RIC1: variants seen among roughly 807,000 people sequenced by gnomAD.
RIC1 encodes the protein guanine nucleotide exchange factor subunit RIC1.
A neutral mutation model predicts 169.0 loss-of-function variants in RIC1; 88 were observed. The observed-to-expected ratio is 0.52, with a 90% CI of 0.44 to 0.62. RIC1 has a LOEUF of 0.62. Ranked by LOEUF, RIC1 falls within the 20% of genes least tolerant of loss-of-function variation. The probability of loss-of-function intolerance (pLI) is 0.00; values close to 1 mark genes in which losing one functional copy is unlikely to be tolerated. For synonymous variants in RIC1, 790 were observed against 601.5 expected (o/e 1.31, Z -4.59); for missense variants, 1,877 against 1,725.5 (o/e 1.09, Z -1.56).
At chr9:5,703,305 C>T (rs1822351350) in intron 3 of RIC1, among the ~76,000 whole-genome samples, 1 of 152,174 alleles carries the variant, frequency 6.6e-6, no homozygotes, top group African/African-American at 2.4e-5. Flanking sequence ...AGATCTGAAA[C>T]ACAGTAGGGC....
chr9:5,649,400 G>A lies in RIC1; in HGVS notation c.145-7183G>A, dbSNP rs1818683705. On this transcript the variant is annotated intron_variant, in intron 1 of 25. Transcript: ENST00000414202. ...GCTTTGTTCATTCTTATTTATTCTT[G>A]TTTTGTTTTCTGAGTTATTTCAAAA... is the stretch of plus-strand genomic sequence containing the variant. 1.3e-5 allele frequency among the ~76,000 whole-genome samples: 2 copies of A among 151,892 alleles called. 1 individual carries two copies. Among genetic ancestry groups the A allele is most frequent in the South Asian group, 4.1e-4 (2 of 4,820 alleles).
Position 5,776,146 on chromosome 9 carries a change from T to C in RIC1, c.*1900T>C, listed in dbSNP as rs539933211. 7 of 152,270 alleles carry C rather than the reference T, an allele frequency of 4.6e-5. No homozygotes were observed. The highest frequency in any genetic ancestry group is 3.9e-4 in the Admixed American group (6 of 15,298). 9.4% of individuals were successfully genotyped at this position (152,270 alleles called of 1,614,324 possible). ...CATTCTTGAAAGCAGGGCACCAGTA[T>C]AAGTTAACTGTATTCCTGTGGGTTA... On this transcript the variant is annotated 3_prime_UTR_variant, in exon 26 of 26. Transcript: ENST00000414202.
chr9:5,732,991 C>G (rs10758704), intron 7 of RIC1, among the ~76,000 whole-genome samples: 58,643 of 151,782 alleles, frequency 0.39, 13,457 homozygotes, highest in East Asian at 0.85. Context: ...CTATCACATA[C>G]CAGCCATAGT....
intron 2 of RIC1, among the ~76,000 whole-genome samples, chr9:5,679,527 T>C (rs1488189545): frequency 6.6e-6 from 1 of 152,230 alleles, no homozygotes; most frequent in African/African-American, 2.4e-5. Context: ...GGGCAGTGCT[T>C]TGTAGTTCTC....
chr9:5,764,240 G>C (rs562088954), intron 19 of RIC1, among the ~76,000 whole-genome samples: 2 of 152,296 alleles, frequency 1.3e-5, no homozygotes, highest in South Asian at 2.1e-4. Context: ...TATTATTTGA[G>C]ATATTAGTGA....
At chr9:5,664,680 C>T (rs1228152340) in intron 2 of RIC1, among the ~76,000 whole-genome samples, 2 of 152,152 alleles carry the variant, frequency 1.3e-5, no homozygotes, top group East Asian at 3.8e-4. Context: ...TGGGGAAGTT[C>T]TCCTGGATGA....
intron 1 of RIC1, among the ~76,000 whole-genome samples, chr9:5,633,739 C>A (rs1308785586): frequency 6.6e-6 from 1 of 152,126 alleles, no homozygotes; most frequent in Non-Finnish European, 1.5e-5. Flanking sequence ...GATGAGAACA[C>A]TTAAGACCTA....
At chr9:5,759,643 A>G (rs1826212952) in intron 17 of RIC1, among the ~76,000 whole-genome samples, 1 of 152,188 alleles carries the variant, frequency 6.6e-6, no homozygotes, top group Non-Finnish European at 1.5e-5. Context: ...GTAGGGAATA[A>G]TTGTAAATTT....
chr9:5,683,731 C>T (rs149537186), intron 2 of RIC1, among the ~76,000 whole-genome samples: 62 of 152,316 alleles, frequency 4.1e-4, no homozygotes, highest in Middle Eastern at 6.8e-3. Context: ...TTGTCTGTGC[C>T]CTGCCCCCAG....
intron 6 of RIC1, among the ~76,000 whole-genome samples, chr9:5,723,442 T>C (rs1224668677): frequency 1.3e-5 from 2 of 152,232 alleles, no homozygotes; most frequent in African/African-American, 2.4e-5. Context: ...AAGTTCTTTG[T>C]AGTTTCTGGA....
chr9:5,752,372 T>G (rs1825772048), intron 12 of RIC1, among the ~76,000 whole-genome samples: 1 of 152,154 alleles, frequency 6.6e-6, no homozygotes, highest in Admixed American at 6.5e-5. Flanking sequence ...AGCTAACCAG[T>G]GGTTGTACCT....
chr9:5,630,789 TA>T (rs1172440179), intron 1 of RIC1, among the ~76,000 whole-genome samples: 1 of 152,200 alleles, frequency 6.6e-6, no homozygotes, highest in African/African-American at 2.4e-5. Flanking sequence ...TATGTGTAAA[TA>T]TATATAAAGT....
intron 10 of RIC1, among the ~76,000 whole-genome samples, chr9:5,744,022 C>T (rs182266069): frequency 0.015 from 2,236 of 148,422 alleles, 33 homozygotes; most frequent in Non-Finnish European, 0.023. Context: ...GGCTGGCCCC[C>T]TTTTTTCACT....
chr9:5,762,508 G>A lies in RIC1; in HGVS notation c.1993-33G>A, dbSNP rs372466307. 295 of 1,612,174 alleles carry A rather than the reference G, an allele frequency of 1.8e-4. 1 individual carries two copies. In the African/African-American group the frequency reaches 3.5e-3, roughly 19 times the overall value. ...ATGCGGAAAGCATACCGATACAGAAGTATGAATTTAGCTGCTTTTTCTTAA... is the reference window on the plus strand; with the variant it reads ...ATGCGGAAAGCATACCGATACAGAAATATGAATTTAGCTGCTTTTTCTTAA... On this transcript the variant is annotated intron_variant, in intron 17 of 25. Coordinates refer to ENST00000414202, the MANE Select transcript of RIC1 (RefSeq NM_020829.4).
downstream of RIC1, among the ~76,000 whole-genome samples, chr9:5,777,305 A>C (rs1215738542): frequency 6.6e-6 from 1 of 151,152 alleles, no homozygotes; most frequent in Non-Finnish European, 1.5e-5. Flanking sequence ...TCAATATTCA[A>C]GTTTTTTTTT....
intron 2 of RIC1, among the ~76,000 whole-genome samples, chr9:5,676,860 G>A (rs578120566): frequency 1.3e-5 from 2 of 152,016 alleles, no homozygotes; most frequent in Non-Finnish European, 2.9e-5. Context: ...CCATTTTGTC[G>A]TGAATCAGTA....
chr9:5,689,100 G>C (rs566268907), intron 2 of RIC1, among the ~76,000 whole-genome samples: 4 of 147,174 alleles, frequency 2.7e-5, no homozygotes, highest in East Asian at 3.9e-4. Context: ...CCAGCGGGGA[G>C]TGCAGTGGCG....
At chr9:5,752,047 T>C (rs1825753664) in intron 12 of RIC1, among the ~76,000 whole-genome samples, 1 of 152,176 alleles carries the variant, frequency 6.6e-6, no homozygotes, top group African/African-American at 2.4e-5. Flanking sequence ...CACTCCAACA[T>C]GTGCTCATGA....
chr9:5,703,406 C>G (rs1378127892), intron 3 of RIC1, among the ~76,000 whole-genome samples: 1 of 152,160 alleles, frequency 6.6e-6, no homozygotes, highest in African/African-American at 2.4e-5. Context: ...GTACAACTAT[C>G]ACAATTACCT....
Sources: gnomAD v4.1 joint callset for allele counts (sites outside exome capture counted in the v4.1 genomes callset) on GRCh38, gnomAD v4.1.1 for gene constraint, MANE v1.5 for transcripts, NCBI Gene and HGNC (gene_info 2026-07-23, HGNC 2026-07-21) for gene names.